The following TMEM131L variants were observed in gnomAD, a reference collection of about 807,000 sequenced individuals.
TMEM131L encodes transmembrane protein 131-like.
In TMEM131L, 54 loss-of-function variants were observed where a neutral mutation model predicts 192.2. The ratio of observed to expected loss-of-function variants is 0.28; its 90% CI spans 0.23 to 0.35. The LOEUF (loss-of-function observed/expected upper bound fraction) is 0.35. Among genes scored for constraint, TMEM131L ranks in the 10% least tolerant of loss-of-function variants. TMEM131L has a pLI of 1.00. For synonymous variants in TMEM131L, 701 were observed against 704.9 expected, an observed-to-expected ratio of 0.99 and a Z score of 0.09; for missense variants, 1,888 against 1,972.9, an observed-to-expected ratio of 0.96 and a Z score of 0.82.
chr4:153,568,368 C>T (rs1479903300), intron 7 of TMEM131L, among the ~76,000 whole-genome samples: 1 of 152,204 alleles, frequency 6.6e-6, no homozygotes, highest in African/African-American at 2.4e-5. Flanking sequence ...TCTCGGCTTT[C>T]TTGGCTACTG....
At chr4:153,629,868 C>G (rs58280790) in intron 31 of TMEM131L, among the ~76,000 whole-genome samples, 4,491 of 152,240 alleles carry the variant, frequency 0.029, 158 homozygotes, top group African/African-American at 0.089. Flanking sequence ...GTGCTTTTCT[C>G]TGTCTGTGCA....
chr4:153,505,109 CT>C (rs34450106), intron 3 of TMEM131L, among the ~76,000 whole-genome samples: 372 of 141,186 alleles, frequency 2.6e-3, no homozygotes, highest in Admixed American at 3.3e-3. Context: ...TTCTTTCTTT[CT>C]TTTTTTTTTT....
At chr4:153,517,198 T>C (rs1377409459) in intron 3 of TMEM131L, among the ~76,000 whole-genome samples, 1 of 152,226 alleles carries the variant, frequency 6.6e-6, no homozygotes, top group Non-Finnish European at 1.5e-5. Flanking sequence ...CATGTACTTA[T>C]GAAGATGAAG....
intron 32 of TMEM131L, chr4:153,633,142 A>G (rs1734332641): frequency 3.9e-6 from 1 of 258,892 alleles, no homozygotes; most frequent in African/African-American, 2.3e-5. Flanking sequence ...CATAATTCCT[A>G]ACTGCTAGCA....
In TMEM131L at chr4:153,536,268, G is replaced by A. The variant is rs547801974; in HGVS notation, c.240-13805G>A. The stretch of plus-strand genomic sequence containing the variant: ...GGGACTCCTGGGCTTGAGGGACCAC[G>A]CAGGGCCATTCTTTCTTTTGCAGAC... On this transcript the variant is annotated intron_variant, in intron 3 of 34. Transcript: ENST00000409959. Among the ~76,000 whole-genome samples, 10 of 152,306 alleles carry A rather than the reference G, an allele frequency of 6.6e-5. No individual in the cohort carries two copies. In the East Asian group the frequency reaches 9.6e-4, roughly 15 times the overall value.
At chr4:153,488,183 G>A (rs887300147) in intron 3 of TMEM131L, among the ~76,000 whole-genome samples, 1 of 152,116 alleles carries the variant, frequency 6.6e-6, no homozygotes, top group African/African-American at 2.4e-5. Context: ...GACCCTGTGG[G>A]CCTGTGGCTG....
intron 3 of TMEM131L, among the ~76,000 whole-genome samples, chr4:153,488,497 T>TGGGCCTGGGATAGCCTGGACAA (rs1392373716): frequency 6.6e-6 from 1 of 152,092 alleles, no homozygotes; most frequent in Non-Finnish European, 1.5e-5. Context: ...GACAAGGGCC[T>TGGGCCTGGGATAGCCTGGACAA]GGGCCTGGGA....
intron 3 of TMEM131L, among the ~76,000 whole-genome samples, chr4:153,523,935 C>A (rs1410317446): frequency 1.3e-5 from 2 of 152,074 alleles, no homozygotes; most frequent in Non-Finnish European, 2.9e-5. Flanking sequence ...GGAGCATGTT[C>A]TGTTTGATTA....
intron 3 of TMEM131L, among the ~76,000 whole-genome samples, chr4:153,545,137 G>T (rs1169571041): frequency 6.6e-6 from 1 of 152,110 alleles, no homozygotes; most frequent in Admixed American, 6.5e-5. Flanking sequence ...ACATGCTTTT[G>T]AAGGATCTTG....
chr4:153,629,165 C>A (rs1355371727), intron 31 of TMEM131L, among the ~76,000 whole-genome samples: 1 of 152,164 alleles, frequency 6.6e-6, no homozygotes, highest in African/African-American at 2.4e-5. Flanking sequence ...TCCCCACCAC[C>A]CACTTCACAT....
intron 18 of TMEM131L, 117 bp from the exon 19 acceptor site, chr4:153,593,680 GTA>G: frequency 1.5e-6 from 1 of 679,812 alleles, no homozygotes; most frequent in Non-Finnish European, 2.7e-6. Flanking sequence ...AATTTTGTGT[GTA>G]TGTGTGTGCA....
chr4:153,486,817 C>G (rs1276666655), intron 3 of TMEM131L, among the ~76,000 whole-genome samples: 3 of 152,264 alleles, frequency 2.0e-5, no homozygotes, highest in Non-Finnish European at 4.4e-5. Flanking sequence ...CAGCTCTGTC[C>G]TGCAGGGTTT....
In TMEM131L at chr4:153,604,139, C is replaced by T. The variant is rs749988365; in HGVS notation, c.3127C>T (p.Leu1043=). 2 of 1,614,118 alleles carry T rather than the reference C, an allele frequency of 1.2e-6. No homozygotes were observed. Among genetic ancestry groups the T allele is most frequent in the Non-Finnish European group, 1.7e-6 (2 of 1,180,006 alleles). Residue 1043 remains leucine, a synonymous_variant, in exon 25 of 35, where the codon CTG becomes TTG. Transcript: ENST00000409959. The part of the protein sequence containing the change: ...LRYASGINVN[L]QKNLTLPKNL... ...ATATGCAAGTGGCATAAATGTCAAC[C>T]TGCAGAAGAATTTAACCCTTCCCAA...
At chr4:153,501,251 G>C (rs916714080) in intron 3 of TMEM131L, among the ~76,000 whole-genome samples, 1 of 148,922 alleles carries the variant, frequency 6.7e-6, no homozygotes, top group African/African-American at 2.5e-5. Flanking sequence ...TGTCACCCAG[G>C]CTGGAGTGCA....
chr4:153,605,920 A>G (rs181693001), intron 25 of TMEM131L, among the ~76,000 whole-genome samples: 3 of 152,324 alleles, frequency 2.0e-5, no homozygotes, highest in African/African-American at 2.4e-5. Flanking sequence ...AGCTGCACAC[A>G]TGCATTCTTG....
At chr4:153,518,307 A>G (rs1734874690) in intron 3 of TMEM131L, among the ~76,000 whole-genome samples, 1 of 152,202 alleles carries the variant, frequency 6.6e-6, no homozygotes, top group Non-Finnish European at 1.5e-5. Context: ...GCTGCTGCGC[A>G]TTTCGAAAGA....
In TMEM131L at chr4:153,499,346, G is replaced by C. The variant is rs77671511; in HGVS notation, c.239+25458G>C. 3.9e-3 allele frequency among the ~76,000 whole-genome samples: 594 copies of C among 152,256 alleles called. 3 individuals carry two copies. The highest frequency in any genetic ancestry group is 0.014 in the African/African-American group (561 of 41,536). On this transcript the variant is annotated intron_variant, in intron 3 of 34. Coordinates refer to ENST00000409959, the MANE Select transcript of TMEM131L (RefSeq NM_001131007.2). ...CTGACCTGCCGCATTGTGTGATATGGCTCCATGTGCACATCTTCCATGGAT... is the reference window on the plus strand; with the variant it reads ...CTGACCTGCCGCATTGTGTGATATGCCTCCATGTGCACATCTTCCATGGAT...
intron 3 of TMEM131L, among the ~76,000 whole-genome samples, chr4:153,478,712 T>C (rs1386756517): frequency 1.3e-5 from 2 of 152,242 alleles, no homozygotes; most frequent in African/African-American, 4.8e-5. Flanking sequence ...TGTGAGCTCA[T>C]GGATATTTAT....
At chr4:153,592,846 C>T (rs1176955056) in intron 18 of TMEM131L, among the ~76,000 whole-genome samples, 1 of 152,182 alleles carries the variant, frequency 6.6e-6, no homozygotes, top group African/African-American at 2.4e-5. Flanking sequence ...GCTAGGGAAC[C>T]TTTATCATGT....
Sources: allele counts gnomAD v4.1 joint callset (sites outside exome capture counted in the v4.1 genomes callset), GRCh38; gene constraint gnomAD v4.1.1; transcripts MANE v1.5; gene names NCBI Gene and HGNC (gene_info 2026-07-23, HGNC 2026-07-21).